The following CMTM4 variants were observed in gnomAD, a reference collection of about 807,000 sequenced individuals.
CMTM4 encodes CKLF like MARVEL transmembrane domain containing 4.
CMTM4 carries 8 observed loss-of-function variants against 19.0 expected under a neutral mutation model. The ratio of observed to expected loss-of-function variants is 0.42; its 90% CI spans 0.25 to 0.76. The LOEUF (loss-of-function observed/expected upper bound fraction) is 0.76. CMTM4 is among the 30% of genes least tolerant of loss of function. The pLI is 0.27. For missense variants in CMTM4, 228 were observed against 290.2 expected, an observed-to-expected ratio of 0.79 and a Z score of 1.56; for synonymous variants, 106 against 121.1, an observed-to-expected ratio of 0.88 and a Z score of 0.82.
At chr16:66,642,846 G>A (rs1294961141) in intron 1 of CMTM4, among the ~76,000 whole-genome samples, 1 of 152,202 alleles carries the variant, frequency 6.6e-6, no homozygotes, top group Non-Finnish European at 1.5e-5. Flanking sequence ...ACTGGCTGAT[G>A]AAGTTACCAT....
At chr16:66,663,234 A>G (rs769992821) in intron 1 of CMTM4, among the ~76,000 whole-genome samples, 18 of 152,244 alleles carry the variant, frequency 1.2e-4, no homozygotes, top group Non-Finnish European at 2.5e-4. Context: ...ATTACTTGGC[A>G]TACAAAGAAC....
chr16:66,673,210 C>CT (rs35208363), intron 1 of CMTM4, among the ~76,000 whole-genome samples: 1,978 of 127,844 alleles, frequency 0.015, 24 homozygotes, highest in Middle Eastern at 0.062. Context: ...CACACCCAGT[C>CT]TTTTTTTTTT....
chr16:66,638,995 C>T (rs910473608), intron 1 of CMTM4, among the ~76,000 whole-genome samples: 1 of 150,424 alleles, frequency 6.6e-6, no homozygotes, highest in Non-Finnish European at 1.5e-5. Flanking sequence ...ACATTGTATA[C>T]ACATTTAGAA....
At chr16:66,680,795 A>AC (rs1428210515) in intron 1 of CMTM4, among the ~76,000 whole-genome samples, 3 of 150,580 alleles carry the variant, frequency 2.0e-5, no homozygotes, top group East Asian at 3.9e-4. Context: ...AAAAAAAAAA[A>AC]AAAAACCATA....
Position 66,621,639 on chromosome 16 carries a change from G to C in CMTM4, c.*419C>G. The C allele has an allele frequency of 9.9e-7, 1 of 1,005,770 alleles. No individual in the cohort carries two copies. Among genetic ancestry groups the C allele is most frequent in the Non-Finnish European group, 1.2e-6 (1 of 840,770 alleles). The allele number at this position is 1,005,770 out of a possible 1,614,324, so 62.3% of individuals were successfully genotyped here. The stretch of plus-strand genomic sequence containing the variant: ...GCAGACTCAACACTGACTTGGAGCA[G>C]GTGGTGCCTAAGGCTGCCTGAGAAC... On this transcript the variant is annotated 3_prime_UTR_variant, in exon 4 of 4. Transcript: ENST00000394106.
intron 1 of CMTM4, among the ~76,000 whole-genome samples, chr16:66,658,100 C>T (rs945147228): frequency 2.6e-5 from 4 of 152,004 alleles, no homozygotes; most frequent in South Asian, 4.1e-4. Context: ...CGTTGTGATA[C>T]ATGCCTGTAG....
Position 66,616,757 on chromosome 16 carries a change from A to G in CMTM4, c.*5301T>C, listed in dbSNP as rs1323112412. 1.3e-5 allele frequency: 2 copies of G among 152,452 alleles called. No homozygotes were observed. The highest frequency in any genetic ancestry group is 4.8e-5 in the African/African-American group (2 of 41,416). 9.4% of individuals were successfully genotyped at this position (152,452 alleles called of 1,614,324 possible). ...CGTGAGTCAGGCCTCACCCTGGTGC[A>G]AGGGCACCAGCAGGTCTCCCTCCTC... On this transcript the variant is annotated 3_prime_UTR_variant, in exon 4 of 4. Coordinates refer to ENST00000394106, the MANE Select transcript of CMTM4 (RefSeq NM_181521.3).
At chr16:66,681,351 C>G (rs1057183336) in intron 1 of CMTM4, among the ~76,000 whole-genome samples, 1 of 150,460 alleles carries the variant, frequency 6.6e-6, no homozygotes, top group African/African-American at 2.4e-5. Flanking sequence ...GAGTCTTGCT[C>G]TGTTGCCCAG....
chr16:66,666,742 A>C (rs981136412), intron 1 of CMTM4, among the ~76,000 whole-genome samples: 2 of 152,220 alleles, frequency 1.3e-5, no homozygotes, highest in African/African-American at 4.8e-5. Context: ...GCAGTCATAA[A>C]AAAGAATGAG....
Position 66,617,751 on chromosome 16 carries a change from G to C in CMTM4, c.*4307C>G. 6 of 1,008,374 alleles carry C rather than the reference G, an allele frequency of 6.0e-6. No individual in the cohort carries two copies. Among genetic ancestry groups the C allele is most frequent in the Non-Finnish European group, 7.1e-6 (6 of 844,778 alleles). The allele number at this position is 1,008,374 out of a possible 1,614,324, so 62.5% of individuals were successfully genotyped here. A position where few individuals can be genotyped will look rare whatever the true frequency, so the allele number is the denominator to read the frequency against. ...GCTGAGGGTGTCAGGCCTGCGTCCT[G>C]TCTGAGATGGCAGCCAAGCCAGCTT... On this transcript the variant is annotated 3_prime_UTR_variant, in exon 4 of 4. Coordinates refer to ENST00000394106, the MANE Select transcript of CMTM4 (RefSeq NM_181521.3).
chr16:66,602,900 G>A, the CMTM4 span, among the ~76,000 whole-genome samples: 1 of 152,116 alleles, frequency 6.6e-6, no homozygotes, highest in Non-Finnish European at 1.5e-5. Flanking sequence ...TGAGCACATG[G>A]GCTCAAGCCA....
rs1276232184 is a variant in CMTM4, at chr16:66,696,362, C to A, written c.164G>T (p.Gly55Val). 1 of 1,421,168 alleles carries A rather than the reference C, an allele frequency of 7.0e-7. No homozygotes were observed. The highest frequency in any genetic ancestry group is 2.8e-5 in the Admixed American group (1 of 36,218). The allele number at this position is 1,421,168 out of a possible 1,614,324, so 88.0% of individuals were successfully genotyped here. Residue 55 changes from glycine (G) to valine (V), a missense_variant, in exon 1 of 4, where the codon GGC becomes GTC. Around this residue, in one of 3 missense-constraint regions of CMTM4, gnomAD observed 200 missense variants for 226.6 expected, o/e 0.88. Coordinates refer to ENST00000394106, the MANE Select transcript of CMTM4 (RefSeq NM_181521.3). The surrounding 1 kb of genome is among the most constrained non-coding windows in gnomAD (Gnocchi z 4.3). ...CDPDYLRGAL[G>V]RLKVAQVILA... Reference sequence around the variant, plus strand: ...TACCACTTGGGCGACCTTGAGGCGGCCGAGCGCGCCGCGCAGGTAGTCGGG... The same window carrying A: ...TACCACTTGGGCGACCTTGAGGCGGACGAGCGCGCCGCGCAGGTAGTCGGG...
At chr16:66,609,333 G>C in the CMTM4 span, 5 of 995,362 alleles carry the variant, frequency 5.0e-6, no homozygotes, top group South Asian at 7.3e-5. The surrounding 1 kb of genome is among the most constrained non-coding windows in gnomAD (Gnocchi z 4.4). Context: ...GGAGCCCTCA[G>C]GTGCTAGGCC....
rs149571451 is a variant in CMTM4, at chr16:66,640,194, C to T, written c.187-3613G>A. 9.1e-3 allele frequency among the ~76,000 whole-genome samples: 1,389 copies of T among 152,024 alleles called. 16 individuals are homozygous for T. The highest frequency in any genetic ancestry group is 0.032 in the African/African-American group (1,324 of 41,454). On this transcript the variant is annotated intron_variant, in intron 1 of 3. Coordinates refer to ENST00000394106, the MANE Select transcript of CMTM4 (RefSeq NM_181521.3). ...CGCACGCCTGTAATCCCAGCTACTCCGGAGGCTGAAACAAGAGAACTGCTT... is the reference window on the plus strand; with the variant it reads ...CGCACGCCTGTAATCCCAGCTACTCTGGAGGCTGAAACAAGAGAACTGCTT...
chr16:66,621,570 G>A lies in CMTM4; in HGVS notation c.*488C>T. 1 of 988,980 alleles carries A rather than the reference G, an allele frequency of 1.0e-6. No homozygotes were observed. The allele number at this position is 988,980 out of a possible 1,614,324, so 61.3% of individuals were successfully genotyped here. On this transcript the variant is annotated 3_prime_UTR_variant, in exon 4 of 4. Transcript: ENST00000394106. ...CCTTTGGGCTGGTGCTGGCTGCCTG[G>A]GGGCCCTGGCATGGAAGATGAGGAG...
chr16:66,670,958 C>G (rs1245136396), intron 1 of CMTM4, among the ~76,000 whole-genome samples: 1 of 152,156 alleles, frequency 6.6e-6, no homozygotes, highest in Non-Finnish European at 1.5e-5. Context: ...GGAGTCCTCT[C>G]TAGCTGAGGA....
chr16:66,610,133 C>A, downstream of CMTM4: 1 of 1,131,850 alleles, frequency 8.8e-7, no homozygotes, highest in Non-Finnish European at 1.3e-6. This position sits in a 1 kb window ranked among gnomAD's most constrained non-coding sequence, Gnocchi z 4.6. Context: ...TTTTCACAGC[C>A]CATTCTCACC....
rs768006600 is a variant in CMTM4 at position 66,619,873 on chromosome 16, C to T, written c.*2185G>A. The T allele has an allele frequency of 6.2e-4, 608 of 985,430 alleles. 1 individual carries two copies. Among genetic ancestry groups the T allele is most frequent in the Non-Finnish European group, 5.9e-4 (493 of 829,920 alleles). The allele number at this position is 985,430 out of a possible 1,614,324, so 61.0% of individuals were successfully genotyped here. ...AGTCTATCACGAAGATGCAAATTAA[C>T]TCCTAAGTCACTCTCTGGCGTGTCA... On this transcript the variant is annotated 3_prime_UTR_variant, in exon 4 of 4. Coordinates refer to ENST00000394106, the MANE Select transcript of CMTM4 (RefSeq NM_181521.3).
the CMTM4 span, chr16:66,608,294 A>C: frequency 6.2e-7 from 1 of 1,613,074 alleles, no homozygotes; most frequent in Non-Finnish European, 8.5e-7. The surrounding 1 kb of genome is among the most constrained non-coding windows in gnomAD (Gnocchi z 5.1). Context: ...TTCACCTCAA[A>C]CTCCTTCCCC....
Sources: allele counts gnomAD v4.1 joint callset (sites outside exome capture counted in the v4.1 genomes callset), GRCh38; gene constraint gnomAD v4.1.1; regional missense constraint gnomAD v4.1.1; non-coding constraint Gnocchi (gnomAD v3.1); transcripts MANE v1.5; gene names NCBI Gene and HGNC (gene_info 2026-07-23, HGNC 2026-07-21).